The following PTPRC variants were observed in gnomAD, a reference collection of about 807,000 sequenced individuals.
PTPRC encodes receptor-type tyrosine-protein phosphatase C.
A neutral mutation model predicts 155.9 loss-of-function variants in PTPRC; 44 were observed. That is an observed-to-expected ratio of 0.28 (90% CI 0.22 to 0.36). The LOEUF is 0.36. Ranked by LOEUF, PTPRC falls within the 10% of genes least tolerant of loss-of-function variation. The pLI, the probability that PTPRC is intolerant of heterozygous loss-of-function variation, is 1.00. For missense variants in PTPRC, 1,401 were observed against 1,564.6 expected, an observed-to-expected ratio of 0.90 and a Z score of 1.76; for synonymous variants, 525 against 533.1, an observed-to-expected ratio of 0.98 and a Z score of 0.21.
intron 3 of PTPRC, among the ~76,000 whole-genome samples, chr1:198,695,807 G>A (rs549194228): frequency 6.6e-6 from 1 of 152,140 alleles, no homozygotes; most frequent in Admixed American, 6.5e-5. Context: ...TGTGAGTTTT[G>A]TTTTTCAGTC....
intron 1 of PTPRC, 37 bp downstream of exon 1, chr1:198,639,174 C>A: frequency 1.0e-6 from 1 of 980,014 alleles, no homozygotes; most frequent in Non-Finnish European, 1.7e-6. Flanking sequence ...ATTTTTGATT[C>A]GTTTTTACAG....
chr1:198,687,685 C>T (rs549830031), intron 2 of PTPRC, among the ~76,000 whole-genome samples: 7 of 151,884 alleles, frequency 4.6e-5, no homozygotes, highest in African/African-American at 1.5e-4. Flanking sequence ...TCACATTTAG[C>T]GTGTTCCTAC....
At chr1:198,723,915 T>C (rs1654007881) in intron 15 of PTPRC, among the ~76,000 whole-genome samples, 1 of 152,200 alleles carries the variant, frequency 6.6e-6, no homozygotes, top group Non-Finnish European at 1.5e-5. Flanking sequence ...GGGCATAGCT[T>C]CCAGACATGC....
chr1:198,712,820 C>T, intron 11 of PTPRC, 133 bp from the exon 12 acceptor site: 1 of 976,338 alleles, frequency 1.0e-6, no homozygotes. Context: ...AGCCCAGATG[C>T]ATTTCTTTAA....
chr1:198,755,794 T>G, intron 32 of PTPRC, 112 bp from the exon 33 acceptor site: 1 of 1,184,232 alleles, frequency 8.4e-7, no homozygotes, highest in Non-Finnish European at 1.2e-6. Context: ...AGTACTTTTC[T>G]GTCATCCAAT....
At chr1:198,697,591 T>A (rs1333858405) in intron 4 of PTPRC, among the ~76,000 whole-genome samples, 1 of 152,216 alleles carries the variant, frequency 6.6e-6, no homozygotes, top group Non-Finnish European at 1.5e-5. Flanking sequence ...GCTCATTTAA[T>A]GTTTAGCAAT....
rs113148246 is a variant in PTPRC, at chr1:198,754,337, A to C, written c.3578A>C (p.Glu1193Ala). 6.6e-5 allele frequency: 106 copies of C among 1,613,214 alleles called. 1 individual carries two copies. The African/African-American group carries it at 1.2e-3, about 18-fold the overall frequency. Residue 1193 changes from glutamate (E) to alanine (A), a missense_variant, in exon 32 of 33, where the codon GAG (glutamate) becomes GCG (alanine). This residue lies in a region of PTPRC where 400 missense variants were observed against 389.5 expected (regional missense o/e 1.03). Transcript: ENST00000442510. Reference sequence around the variant, plus strand: ...CTCTTAGAAAGTGCGGAAACAGAAGAGGTAGTGGATATTTTTCAAGTGGTA... The same window carrying C: ...CTCTTAGAAAGTGCGGAAACAGAAGCGGTAGTGGATATTTTTCAAGTGGTA... ...LNLLESAETE[E>A]VVDIFQVVKA...
intron 32 of PTPRC, 94 bp from the exon 33 acceptor site, chr1:198,755,811 AC>A: frequency 7.5e-7 from 1 of 1,328,260 alleles, no homozygotes; most frequent in Non-Finnish European, 1.1e-6. Flanking sequence ...CAATACTTCC[AC>A]AAATAAATCA....
intron 31 of PTPRC, among the ~76,000 whole-genome samples, chr1:198,752,986 G>GT (rs1316617490): frequency 1.3e-5 from 2 of 151,964 alleles, no homozygotes; most frequent in African/African-American, 4.8e-5. Flanking sequence ...TTTAAGTTGT[G>GT]TTTTTTAATA....
chr1:198,716,789 G>T lies in PTPRC; in HGVS notation c.1399G>T (p.Val467Leu). Residue 467 changes from valine (V) to leucine (L), a missense_variant, in exon 13 of 33, where the codon GTG becomes TTG. Val to Leu is a conservative substitution (Grantham distance 32). This residue lies in a region of PTPRC where 867 missense variants were observed against 970.4 expected (regional missense o/e 0.89). Coordinates refer to ENST00000442510, the MANE Select transcript of PTPRC (RefSeq NM_002838.5). ...LSLHAYIIAK[V>L]QRNGSAAMCH... ...ATTACATGCCTACATCATTGCAAAA[G>T]TGCAACGTAATGGAAGTGCTGCAAT... is the stretch of plus-strand genomic sequence containing the variant. The T allele has an allele frequency of 1.2e-6, 2 of 1,613,520 alleles. No homozygotes were observed. The highest frequency in any genetic ancestry group is 8.5e-7 in the Non-Finnish European group (1 of 1,179,912).
In PTPRC at chr1:198,696,914, G is replaced by C; in HGVS notation, c.298+5G>C. The C allele has an allele frequency of 6.2e-7, 1 of 1,609,648 alleles. No homozygotes were observed. Among genetic ancestry groups the C allele is most frequent in the Non-Finnish European group, 8.5e-7 (1 of 1,175,924 alleles). On this transcript the variant is annotated splice_donor_5th_base_variant and intron_variant, in intron 4 of 32. Coordinates refer to ENST00000442510, the MANE Select transcript of PTPRC (RefSeq NM_002838.5). ...CTAGTGCTTTTAATACCACAGGTTGGCACACAAAAGTTGTTAACTTAAATA... is the reference window on the plus strand; with the variant it reads ...CTAGTGCTTTTAATACCACAGGTTGCCACACAAAAGTTGTTAACTTAAATA...
chr1:198,667,882 A>ATGTG (rs1320620780), intron 2 of PTPRC, among the ~76,000 whole-genome samples: 10 of 152,226 alleles, frequency 6.6e-5, no homozygotes, highest in South Asian at 4.1e-4. Context: ...GGCAGTGCAC[A>ATGTG]GCAAGAGAAA....
At chr1:198,642,499 T>C (rs1379386610) in intron 2 of PTPRC, among the ~76,000 whole-genome samples, 2 of 151,894 alleles carry the variant, frequency 1.3e-5, no homozygotes, top group African/African-American at 4.8e-5. Flanking sequence ...CTACTATGTG[T>C]TGATCACTCT....
At chr1:198,720,331 A>T (rs12138001) in intron 14 of PTPRC, among the ~76,000 whole-genome samples, 2,069 of 152,132 alleles carry the variant, frequency 0.014, 26 homozygotes, top group Non-Finnish European at 0.016. Flanking sequence ...TTTTAAAAAA[A>T]TTTTATTATT....
At chr1:198,666,209 C>T (rs1374918898) in intron 2 of PTPRC, among the ~76,000 whole-genome samples, 1 of 142,894 alleles carries the variant, frequency 7.0e-6, no homozygotes, top group African/African-American at 2.6e-5. Context: ...CTCCAGCATT[C>T]TAGCCTGGGC....
At position 198,721,669 on chromosome 1, in the gene PTPRC, T is replaced by G. The variant is rs188168456; in HGVS notation, c.1660-747T>G. Among the ~76,000 whole-genome samples, 295 of 152,130 alleles carry G rather than the reference T, an allele frequency of 1.9e-3. 2 individuals are homozygous for G. Among genetic ancestry groups the G allele is most frequent in the Admixed American group, 2.0e-3 (30 of 15,282 alleles). On this transcript the variant is annotated intron_variant, in intron 14 of 32. Transcript: ENST00000442510. ...TAATTGGCTTTTACAATTTCTGCCTTTTAGGATTTGTAGAATAATTTTTAC... is the reference window on the plus strand; with the variant it reads ...TAATTGGCTTTTACAATTTCTGCCTGTTAGGATTTGTAGAATAATTTTTAC...
intron 2 of PTPRC, among the ~76,000 whole-genome samples, chr1:198,660,070 A>G (rs1258567621): frequency 1.1e-5 from 1 of 92,420 alleles, no homozygotes; most frequent in Non-Finnish European, 2.3e-5. Context: ...TATATATATG[A>G]TCTTTTTTTT....
intron 15 of PTPRC, among the ~76,000 whole-genome samples, chr1:198,723,269 T>G (rs1330168676): frequency 6.6e-6 from 1 of 152,096 alleles, no homozygotes; most frequent in Non-Finnish European, 1.5e-5. Flanking sequence ...TTTAAGCCTG[T>G]ATGTACTTTG....
intron 14 of PTPRC, among the ~76,000 whole-genome samples, chr1:198,720,960 C>G (rs1012669164): frequency 1.3e-5 from 2 of 152,154 alleles, no homozygotes; most frequent in Non-Finnish European, 2.9e-5. Context: ...CCACCTCCCT[C>G]CACGCTCTTC....
Sources: allele counts gnomAD v4.1 joint callset (sites outside exome capture counted in the v4.1 genomes callset), GRCh38; gene constraint gnomAD v4.1.1; regional missense constraint gnomAD v4.1.1; transcripts MANE v1.5; gene names NCBI Gene and HGNC (gene_info 2026-07-23, HGNC 2026-07-21).